Variants in AVEN observed in about 807,000 individuals in gnomAD.
AVEN encodes cell death regulator Aven.
In AVEN, 41 loss-of-function variants were observed where a neutral mutation model predicts 38.1. That is an observed-to-expected ratio of 1.08 (90% CI 0.84 to 1.40). The LOEUF is 1.40. Ranked by LOEUF, AVEN falls within the 40% of genes most tolerant of loss-of-function variation. AVEN has a pLI of 0.00. For missense variants in AVEN, 605 were observed against 438.8 expected, an observed-to-expected ratio of 1.38 and a Z score of -3.38; for synonymous variants, 206 against 171.8, an observed-to-expected ratio of 1.20 and a Z score of -1.56.
Position 33,867,691 on chromosome 15 carries a change from G to C in AVEN, c.777C>G (p.Asn259Lys), listed in dbSNP as rs748202987. ...AGCPVLLGKD[N>K]PSPGPSRDSQ... ...AATCCCTTGAAGGACCCGGGCTTGG[G>C]TTGTCTTTGCCCAGCAACACAGGGC... The change falls in exon 5 of 6, where the codon AAC becomes AAG. Residue 259 changes from asparagine to lysine, a missense_variant. Physicochemically the swap from Asn to Lys is moderately conservative, Grantham distance 94. Coordinates refer to ENST00000306730, the MANE Select transcript of AVEN (RefSeq NM_020371.3). 8.1e-6 allele frequency: 13 copies of C among 1,614,042 alleles called. No individual in the cohort carries two copies. Among genetic ancestry groups the C allele is most frequent in the South Asian group, 5.5e-5 (5 of 91,084 alleles).
At chr15:33,865,545 C>T, downstream of AVEN, 1 of 267,948 alleles carries the variant, frequency 3.7e-6, no homozygotes, top group South Asian at 7.4e-5. Context: ...AAGGAAAGGG[C>T]TAGAGAAGTA....
chr15:33,880,247 G>A (rs369465994), intron 2 of AVEN, among the ~76,000 whole-genome samples: 1 of 152,166 alleles, frequency 6.6e-6, no homozygotes, highest in Admixed American at 6.5e-5. Context: ...AAGGCAGTGA[G>A]GACTTGGATG....
downstream of AVEN, chr15:33,854,937 A>C (rs1428312295): frequency 1.9e-6 from 3 of 1,595,160 alleles, no homozygotes; most frequent in Non-Finnish European, 2.6e-6. Context: ...GATGCAGAAC[A>C]GAATGGACCT....
chr15:34,067,821 C>T (rs1291941683), intron 2 of AVEN, among the ~76,000 whole-genome samples: 2 of 152,100 alleles, frequency 1.3e-5, no homozygotes, highest in Non-Finnish European at 2.9e-5. Context: ...GTCGGTGCCC[C>T]ACTCCATTCC....
chr15:33,902,411 T>C (rs1251435736), intron 2 of AVEN, among the ~76,000 whole-genome samples: 1 of 152,186 alleles, frequency 6.6e-6, no homozygotes, highest in Admixed American at 6.5e-5. Context: ...CTCTTCACAG[T>C]TTAAGCATAC....
intron 5 of AVEN, among the ~76,000 whole-genome samples, chr15:34,053,807 A>G (rs1180343310): frequency 6.6e-6 from 1 of 152,208 alleles, no homozygotes; most frequent in East Asian, 1.9e-4. Flanking sequence ...AGCAATTGCA[A>G]CAAAGCAAAA....
chr15:33,861,170 C>G, intron 11 of AVEN: 1 of 1,585,614 alleles, frequency 6.3e-7, no homozygotes, highest in African/African-American at 1.3e-5. Context: ...ACAACTTAGC[C>G]AACTACTTGT....
At chr15:33,942,603 A>G (rs190647996) in intron 2 of AVEN, among the ~76,000 whole-genome samples, 1 of 152,176 alleles carries the variant, frequency 6.6e-6, no homozygotes, top group Non-Finnish European at 1.5e-5. Context: ...GGCACCCGCC[A>G]CCATGCCCGG....
chr15:34,034,657 G>A (rs75534432), intron 1 of AVEN, among the ~76,000 whole-genome samples: 2,411 of 152,214 alleles, frequency 0.016, 72 homozygotes, highest in African/African-American at 0.055. Context: ...AGTTGTCTGT[G>A]TTGATATTGA....
chr15:33,854,511 C>T (rs988631359), downstream of AVEN: 30 of 1,365,394 alleles, frequency 2.2e-5, no homozygotes, highest in Non-Finnish European at 2.7e-5. Context: ...CACAGAGAAG[C>T]AAGCTATGCA....
intron 1 of AVEN, among the ~76,000 whole-genome samples, chr15:34,071,085 C>T (rs530996100): frequency 4.7e-4 from 72 of 152,172 alleles, no homozygotes; most frequent in Non-Finnish European, 9.6e-4. Context: ...CCAGTGATGC[C>T]TTCATGCTCC....
chr15:33,859,807 T>C, intron 11 of AVEN: 4 of 1,441,944 alleles, frequency 2.8e-6, no homozygotes, highest in Non-Finnish European at 3.8e-6. Context: ...TATGACTTAA[T>C]TGGTTTATGA....
intron 1 of AVEN, among the ~76,000 whole-genome samples, chr15:34,016,389 G>T (rs1486792912): frequency 6.6e-6 from 1 of 152,082 alleles, no homozygotes; most frequent in Non-Finnish European, 1.5e-5. Flanking sequence ...CACTGAGTTG[G>T]GCTCGCATGG....
In AVEN at chr15:34,049,248, C is replaced by T. The variant is rs1484088930; in HGVS notation, n.1637+13674G>A. On this transcript the variant is annotated intron_variant and non_coding_transcript_variant, in intron 5 of 11. Transcript: ENST00000675287. ...CTAGGCTTCTGAAAGTGGGTAATAA[C>T]AAACTTCACTGAGCTAAAGGACCAT... 4.6e-5 allele frequency among the ~76,000 whole-genome samples: 7 copies of T among 152,288 alleles called. No homozygotes were observed. The East Asian group carries it at 1.4e-3, about 29-fold the overall frequency.
chr15:33,892,088 G>C (rs1407806612), intron 2 of AVEN, among the ~76,000 whole-genome samples: 2 of 152,062 alleles, frequency 1.3e-5, no homozygotes, highest in African/African-American at 2.4e-5. Context: ...TTTTTTTCTT[G>C]TAAATTTGTT....
intron 2 of AVEN, among the ~76,000 whole-genome samples, chr15:33,971,851 C>A (rs7176348): frequency 0.1 from 15,741 of 152,056 alleles, 2,216 homozygotes; most frequent in African/African-American, 0.32. Context: ...ATGTAGTTCA[C>A]CATGAAGATC....
downstream of AVEN, chr15:33,865,027 T>C (rs1890004137): frequency 1.3e-6 from 1 of 781,934 alleles, no homozygotes; most frequent in South Asian, 1.7e-5. Flanking sequence ...CTCATATAAA[T>C]TCACATCAGT....
intron 2 of AVEN, among the ~76,000 whole-genome samples, chr15:33,925,081 T>C (rs775816939): frequency 1.3e-5 from 2 of 152,238 alleles, no homozygotes; most frequent in Non-Finnish European, 2.9e-5. Context: ...ACTCATTCTT[T>C]ATTAAACTCT....
At chr15:33,858,421 G>A (rs2079945125), downstream of AVEN, among the ~76,000 whole-genome samples, 1 of 151,974 alleles carries the variant, frequency 6.6e-6, no homozygotes, top group Non-Finnish European at 1.5e-5. Context: ...TGGTCAGGCT[G>A]GTCTCAAACT....
Sources: gnomAD v4.1 joint callset for allele counts (sites outside exome capture counted in the v4.1 genomes callset) on GRCh38, gnomAD v4.1.1 for gene constraint, MANE v1.5 for transcripts, NCBI Gene and HGNC (gene_info 2026-07-23, HGNC 2026-07-21) for gene names.